Variants in NUP93 observed in about 807,000 individuals in gnomAD.
NUP93 encodes the protein nucleoporin 93.
In NUP93, 55 loss-of-function variants were observed where a neutral mutation model predicts 107.8. The ratio of observed to expected loss-of-function variants is 0.51; its 90% confidence interval spans 0.41 to 0.64. The LOEUF (loss-of-function observed/expected upper bound fraction) is 0.64. Among genes scored for constraint, NUP93 ranks in the 30% least tolerant of loss-of-function variants. NUP93 has a pLI of 0.00. For synonymous variants in NUP93, 390 were observed against 397.5 expected (o/e 0.98, Z 0.22); for missense variants, 937 against 1,044.7 (o/e 0.90, Z 1.42).
At chr16:56,741,586 CTGT>C (rs1386224362) in intron 1 of NUP93, among the ~76,000 whole-genome samples, 4 of 151,998 alleles carry the variant, frequency 2.6e-5, no homozygotes, top group Admixed American at 1.3e-4. Context: ...TGTTATTTTA[CTGT>C]TATTATTTAA....
intron 6 of NUP93, among the ~76,000 whole-genome samples, chr16:56,820,758 G>A (rs1252990007): frequency 6.6e-6 from 1 of 152,124 alleles, no homozygotes; most frequent in Non-Finnish European, 1.5e-5. Flanking sequence ...CATATACAAA[G>A]TAGAATCTTC....
At chr16:56,808,521 T>TATAA (rs1963222173) in intron 5 of NUP93, among the ~76,000 whole-genome samples, 1 of 124,036 alleles carries the variant, frequency 8.1e-6, no homozygotes, top group Non-Finnish European at 1.6e-5. Flanking sequence ...TATGTAACTA[T>TATAA]ATATAAATAT....
At chr16:56,823,464 A>G (rs1290073534) in intron 7 of NUP93, among the ~76,000 whole-genome samples, 2 of 152,168 alleles carry the variant, frequency 1.3e-5, no homozygotes, top group African/African-American at 4.8e-5. Flanking sequence ...GACCTGGAAT[A>G]GTAATTGATC....
At chr16:56,819,035 T>G (rs1220307841) in intron 6 of NUP93, among the ~76,000 whole-genome samples, 1 of 152,248 alleles carries the variant, frequency 6.6e-6, no homozygotes, top group Non-Finnish European at 1.5e-5. Context: ...ACTGCGCTGC[T>G]TAGCAAATGG....
intron 6 of NUP93, among the ~76,000 whole-genome samples, chr16:56,820,640 C>T (rs956746240): frequency 3.0e-4 from 45 of 152,180 alleles, no homozygotes; most frequent in African/African-American, 9.7e-4. Context: ...TTCATAACAG[C>T]CCTGGAAGAT....
intron 20 of NUP93, chr16:56,839,968 C>A: frequency 4.9e-6 from 1 of 204,804 alleles, no homozygotes; most frequent in South Asian, 7.3e-5. Context: ...CCATTGGGTA[C>A]GTGAAACACA....
At chr16:56,776,805 T>C (rs1240252458) in intron 3 of NUP93, among the ~76,000 whole-genome samples, 1 of 152,226 alleles carries the variant, frequency 6.6e-6, no homozygotes, top group African/African-American at 2.4e-5. Flanking sequence ...AGCCAGGTCT[T>C]GGCCCAAAGC....
chr16:56,833,336 T>C lies in NUP93; in HGVS notation c.1467T>C (p.Ala489=). The C allele has an allele frequency of 8.1e-6, 13 of 1,606,060 alleles. No individual in the cohort carries two copies. The highest frequency in any genetic ancestry group is 1.1e-5 in the Non-Finnish European group (13 of 1,177,158). ...LFRMERLRCH[A]VHVALVLFEL... ...GCATGGAGCGGCTGCGCTGCCATGC[T>C]GTCCATGTAGCACTGGTGCTGTTTG... The change falls in exon 13 of 22, where the codon GCT becomes GCC. Residue 489 remains alanine (A), a synonymous_variant. Coordinates refer to ENST00000308159, the MANE Select transcript of NUP93 (RefSeq NM_014669.5).
chr16:56,825,075 G>A (rs1343951533), intron 8 of NUP93, among the ~76,000 whole-genome samples: 2 of 138,544 alleles, frequency 1.4e-5, no homozygotes, highest in African/African-American at 2.7e-5. Context: ...TTTTTTTTTT[G>A]TAAGACAGTC....
intron 3 of NUP93, among the ~76,000 whole-genome samples, chr16:56,788,735 G>A (rs1324075828): frequency 6.6e-6 from 1 of 152,240 alleles, no homozygotes; most frequent in African/African-American, 2.4e-5. Context: ...TCCTCCCCAA[G>A]TGCAGCAACA....
intron 4 of NUP93, among the ~76,000 whole-genome samples, chr16:56,799,303 C>T (rs1288642668): frequency 6.6e-6 from 1 of 152,172 alleles, no homozygotes; most frequent in African/African-American, 2.4e-5. Context: ...TAGCTCCATG[C>T]TTGAAAAGAT....
In NUP93 at chr16:56,743,072, C is replaced by A. The variant is rs567024425; in HGVS notation, c.-14-5162C>A. On this transcript the variant is annotated intron_variant, in intron 1 of 21. Coordinates refer to ENST00000308159, the MANE Select transcript of NUP93 (RefSeq NM_014669.5). ...ACTGATTTACAATGGTTTAGAAGTG[C>A]TTGGCTGTTTGAATATTTAGGTATC... 2.0e-5 allele frequency among the ~76,000 whole-genome samples: 3 copies of A among 152,262 alleles called. No homozygotes were observed. The East Asian group carries it at 5.8e-4, about 29-fold the overall frequency.
At position 56,837,661 on chromosome 16, in the gene NUP93, C is replaced by T. The variant is rs1197265501; in HGVS notation, c.1953C>T (p.Pro651=). 5 of 1,614,150 alleles carry T rather than the reference C, an allele frequency of 3.1e-6. No homozygotes were observed. Among genetic ancestry groups the T allele is most frequent in the Non-Finnish European group, 4.2e-6 (5 of 1,180,010 alleles). ...ACAAACTGCTGAGCCCTGTCGTCCC[C>T]CAGATCAGTGCCCCGCAATCCAACA... ...LMNKLLSPVV[P]QISAPQSNKE... Residue 651 remains proline (P), a synonymous_variant, in exon 18 of 22, where the codon CCC becomes CCT. Coordinates refer to ENST00000308159, the MANE Select transcript of NUP93 (RefSeq NM_014669.5).
intron 2 of NUP93, among the ~76,000 whole-genome samples, chr16:56,751,920 A>G (rs1012990988): frequency 7.2e-5 from 11 of 152,174 alleles, no homozygotes; most frequent in African/African-American, 2.7e-4. Context: ...AGCTTTATTT[A>G]TAAAGCCGTC....
intron 21 of NUP93, chr16:56,842,804 C>T (rs1021561676): frequency 2.1e-5 from 7 of 330,086 alleles, no homozygotes; most frequent in South Asian, 6.8e-5. Context: ...CCCCCAACCT[C>T]GGCCTCCCAA....
intron 4 of NUP93, among the ~76,000 whole-genome samples, chr16:56,804,355 A>G (rs1963086623): frequency 6.6e-6 from 1 of 152,242 alleles, no homozygotes; most frequent in African/African-American, 2.4e-5. Context: ...GTATATTCAT[A>G]CAGTGGAATA....
At chr16:56,790,119 AAAC>A (rs1166201544) in intron 3 of NUP93, among the ~76,000 whole-genome samples, 80 of 152,032 alleles carry the variant, frequency 5.3e-4, no homozygotes, top group African/African-American at 1.8e-3. Context: ...AAACAAAACA[AAAC>A]AAAACAAAAA....
Position 56,839,786 on chromosome 16 carries a change from A to C in NUP93, c.2220+182A>C, listed in dbSNP as rs150679508. The C allele has an allele frequency of 1.3e-4, 78 of 581,398 alleles. No individual in the cohort carries two copies. The East Asian group carries it at 2.2e-3, about 16-fold the overall frequency. The allele number at this position is 581,398 out of a possible 1,614,324, so 36.0% of individuals were successfully genotyped here. On this transcript the variant is annotated intron_variant, in intron 20 of 21. Coordinates refer to ENST00000308159, the MANE Select transcript of NUP93 (RefSeq NM_014669.5). ...CTTTTCTGTGAGTGCATACATCCCC[A>C]TCAGATTATTGTCTGAATTCCTAAT...
chr16:56,840,740 A>C (rs1964008129), intron 20 of NUP93, among the ~76,000 whole-genome samples: 1 of 152,188 alleles, frequency 6.6e-6, no homozygotes, highest in African/African-American at 2.4e-5. Flanking sequence ...TCACACCTAT[A>C]ATCCCAACAT....
Sources: allele counts gnomAD v4.1 joint callset (sites outside exome capture counted in the v4.1 genomes callset), GRCh38; gene constraint gnomAD v4.1.1; transcripts MANE v1.5; gene names NCBI Gene and HGNC (gene_info 2026-07-23, HGNC 2026-07-21).